The following CALN1 variants were observed in gnomAD, a reference collection of about 807,000 sequenced individuals.
The protein encoded by CALN1 is calcium-binding protein 8.
A neutral mutation model predicts 30.6 loss-of-function variants in CALN1; 17 were observed. The observed-to-expected ratio is 0.56, with a 90% CI of 0.38 to 0.83. CALN1 has a LOEUF of 0.83. Among genes scored for constraint, CALN1 ranks in the 40% least tolerant of loss-of-function variants. The probability of loss-of-function intolerance (pLI) is 0.00; values close to 1 mark genes in which losing one functional copy is unlikely to be tolerated. For missense variants in CALN1, 291 were observed against 354.9 expected, an observed-to-expected ratio of 0.82 and a Z score of 1.45; for synonymous variants, 156 against 131.4, an observed-to-expected ratio of 1.19 and a Z score of -1.28.
At chr7:72,405,497 C>A (rs1460308700) in intron 1 of CALN1, among the ~76,000 whole-genome samples, 1 of 152,162 alleles carries the variant, frequency 6.6e-6, no homozygotes, top group Non-Finnish European at 1.5e-5. Context: ...CACCCCCACA[C>A]CCACATGGCT....
At chr7:71,978,702 G>C (rs1390006546) in intron 5 of CALN1, among the ~76,000 whole-genome samples, 2 of 152,200 alleles carry the variant, frequency 1.3e-5, no homozygotes, top group Non-Finnish European at 2.9e-5. Flanking sequence ...TGCATATAGA[G>C]AGAGACCAAA....
chr7:72,251,585 C>T (rs905240528), intron 3 of CALN1, among the ~76,000 whole-genome samples: 3 of 151,896 alleles, frequency 2.0e-5, no homozygotes, highest in African/African-American at 7.3e-5. Context: ...ATTTTTTGTA[C>T]AGACAAGGCC....
intron 3 of CALN1, among the ~76,000 whole-genome samples, chr7:72,118,955 A>C (rs1440471149): frequency 6.6e-6 from 1 of 152,214 alleles, no homozygotes; most frequent in African/African-American, 2.4e-5. Flanking sequence ...TTTAAAAATC[A>C]AAAGACAGAT....
At chr7:72,326,187 G>A (rs1801265420) in intron 2 of CALN1, among the ~76,000 whole-genome samples, 1 of 152,208 alleles carries the variant, frequency 6.6e-6, no homozygotes, top group African/African-American at 2.4e-5. Context: ...ACAGGCGTGA[G>A]CCATCATGCC....
At chr7:72,413,376 C>CGAACATACTCATACATGCACACCACACAT (rs1807303124), upstream of CALN1, among the ~76,000 whole-genome samples, 1 of 151,910 alleles carries the variant, frequency 6.6e-6, no homozygotes, top group South Asian at 2.1e-4. Context: ...CACACACCCA[C>CGAACATACTCATACATGCACACCACACAT]GAACATACTC....
At chr7:72,263,531 G>A (rs1257686843) in intron 3 of CALN1, among the ~76,000 whole-genome samples, 2 of 151,970 alleles carry the variant, frequency 1.3e-5, no homozygotes, top group Admixed American at 6.6e-5. Context: ...GGGCAACTTG[G>A]ACTATAGGTA....
intron 1 of CALN1, among the ~76,000 whole-genome samples, chr7:72,445,103 CACAA>C (rs1210880312): frequency 1.3e-4 from 16 of 126,500 alleles, no homozygotes; most frequent in African/African-American, 3.2e-4. Flanking sequence ...CACACACACA[CACAA>C]CATTAAGTTG....
intron 5 of CALN1, among the ~76,000 whole-genome samples, chr7:71,815,754 CCTT>C (rs923733817): frequency 6.7e-5 from 10 of 150,016 alleles, no homozygotes; most frequent in South Asian, 2.2e-4. Context: ...TTCCCTTCCT[CCTT>C]CTTTCCTTCC....
intron 5 of CALN1, among the ~76,000 whole-genome samples, chr7:71,974,417 C>CAAAAAAAAAAAAAAAAA (rs1052896558): frequency 1.8e-5 from 1 of 55,004 alleles, no homozygotes; most frequent in Non-Finnish European, 3.8e-5. Context: ...GACTCCATCT[C>CAAAAAAAAAAAAAAAAA]AAAAAAAAAA....
chr7:72,270,903 T>C (rs1028758711), intron 3 of CALN1, among the ~76,000 whole-genome samples: 5 of 152,166 alleles, frequency 3.3e-5, no homozygotes, highest in Admixed American at 3.3e-4. Context: ...CCCAATAAGA[T>C]CAGCTCCAGT....
intron 5 of CALN1, among the ~76,000 whole-genome samples, chr7:71,873,308 G>A (rs771967116): frequency 6.6e-5 from 10 of 152,030 alleles, no homozygotes; most frequent in Non-Finnish European, 1.3e-4. Context: ...ACGCCCAGCC[G>A]AAAATTTTTT....
chr7:71,806,260 A>ACACACG (rs61088052), intron 6 of CALN1, among the ~76,000 whole-genome samples: 31,657 of 150,156 alleles, frequency 0.21, 5,251 homozygotes, highest in East Asian at 0.57. Flanking sequence ...GCACACACAC[A>ACACACG]CACACACACA....
At chr7:72,062,887 A>G (rs1268722562) in intron 4 of CALN1, among the ~76,000 whole-genome samples, 1 of 152,208 alleles carries the variant, frequency 6.6e-6, no homozygotes, top group Non-Finnish European at 1.5e-5. Flanking sequence ...ATTCTACCAA[A>G]ACATTTAAAG....
At chr7:71,790,398 AAGAAAGAAAG>A (rs1372031759) in intron 6 of CALN1, among the ~76,000 whole-genome samples, 1 of 117,142 alleles carries the variant, frequency 8.5e-6, no homozygotes. Flanking sequence ...GAAAGAAAGA[AAGAAAGAAAG>A]AAAGAAAGAA....
chr7:72,176,442 G>C (rs1198524324), intron 3 of CALN1, among the ~76,000 whole-genome samples: 1 of 152,080 alleles, frequency 6.6e-6, no homozygotes, highest in Non-Finnish European at 1.5e-5. Flanking sequence ...AGGTGTTTGG[G>C]TCATGGGGGC....
intron 2 of CALN1, among the ~76,000 whole-genome samples, chr7:72,295,940 C>T (rs1798824238): frequency 6.6e-6 from 1 of 151,902 alleles, no homozygotes; most frequent in Admixed American, 6.6e-5. Flanking sequence ...CTGTCTTGTG[C>T]CAGTTTTCAA....
intron 4 of CALN1, among the ~76,000 whole-genome samples, chr7:72,061,737 A>G (rs887024750): frequency 1.3e-5 from 2 of 150,446 alleles, no homozygotes; most frequent in Admixed American, 1.3e-4. Flanking sequence ...ATAGCCAAAA[A>G]CTTTCTAAAT....
At chr7:71,947,934 CAAAA>C (rs5884865) in intron 5 of CALN1, among the ~76,000 whole-genome samples, 1 of 137,806 alleles carries the variant, frequency 7.3e-6, no homozygotes. Flanking sequence ...GACTCCGTCT[CAAAA>C]AAAAAAAAAA....
intron 2 of CALN1, among the ~76,000 whole-genome samples, chr7:72,293,166 C>G (rs28719656): frequency 0.19 from 28,583 of 152,040 alleles, 3,739 homozygotes; most frequent in East Asian, 0.43. Context: ...CAGCTATCTA[C>G]TAAGTTGTTG....
Sources: allele counts gnomAD v4.1 joint callset (sites outside exome capture counted in the v4.1 genomes callset), GRCh38; gene constraint gnomAD v4.1.1; transcripts MANE v1.5; gene names NCBI Gene and HGNC (gene_info 2026-07-23, HGNC 2026-07-21).